The following POLK variants were observed in gnomAD, a reference collection of about 807,000 sequenced individuals.
POLK encodes the protein DNA polymerase kappa, also known as polymerase (DNA directed) kappa.
POLK carries 76 observed loss-of-function variants against 94.0 expected under a neutral mutation model. The ratio of observed to expected loss-of-function variants is 0.81; its 90% CI spans 0.67 to 0.98. The LOEUF (loss-of-function observed/expected upper bound fraction) is 0.98, where lower values mean the gene tolerates loss of function less well. Ranked by LOEUF, POLK falls within the 50% of genes least tolerant of loss-of-function variation. POLK has a pLI of 0.00. For synonymous variants in POLK, 349 were observed against 325.4 expected, an observed-to-expected ratio of 1.07 and a Z score of -0.78; for missense variants, 954 against 1,010.1, an observed-to-expected ratio of 0.94 and a Z score of 0.75.
In POLK at chr5:75,560,247, C is replaced by G. The variant is rs146057490; in HGVS notation, c.255+7656C>G. Among the ~76,000 whole-genome samples, 316 of 152,266 alleles carry G rather than the reference C, an allele frequency of 2.1e-3. 1 individual carries two copies. The East Asian group carries it at 0.027, about 13-fold the overall frequency. On this transcript the variant is annotated intron_variant, in intron 3 of 14. Coordinates refer to ENST00000241436, the Ensembl canonical transcript of POLK. ...AGTAAATGAGTTAACATAGGAAGCA[C>G]TTAGCATATTATATGACACATATAC...
chr5:75,555,586 C>T (rs1436421932), intron 3 of POLK, among the ~76,000 whole-genome samples: 4 of 149,610 alleles, frequency 2.7e-5, no homozygotes, highest in Non-Finnish European at 5.9e-5. Flanking sequence ...TCTCTCACTT[C>T]GTTGCCCAGG....
Position 75,524,144 on chromosome 5 carries a change from C to A in POLK, c.-14+12230C>A, listed in dbSNP as rs549376358. Among the ~76,000 whole-genome samples, 73 of 149,414 alleles carry A rather than the reference C, an allele frequency of 4.9e-4. No individual in the cohort carries two copies. In the South Asian group the frequency reaches 7.0e-3, roughly 14 times the overall value. On this transcript the variant is annotated intron_variant, in intron 1 of 14. Coordinates refer to ENST00000241436, the Ensembl canonical transcript of POLK. ...ACTCCGTCTCAAAAAAAAAAAACAA[C>A]AAAAAAAAACTTTCAGATTGTAAAA...
chr5:75,581,325 T>G (rs147610161), exon 7 of POLK: 36 of 1,613,932 alleles, frequency 2.2e-5, no homozygotes, highest in Non-Finnish European at 3.1e-5. Flanking sequence ...CCAAGTGAAC[T>G]TTGAAGAACA....
chr5:75,547,842 G>A (rs1419266206), intron 2 of POLK, among the ~76,000 whole-genome samples: 1 of 152,176 alleles, frequency 6.6e-6, no homozygotes, highest in Non-Finnish European at 1.5e-5. Flanking sequence ...TGCCAACACA[G>A]TGTATTACTA....
At chr5:75,555,829 G>A (rs956888565) in intron 3 of POLK, among the ~76,000 whole-genome samples, 7 of 152,234 alleles carry the variant, frequency 4.6e-5, no homozygotes, top group Admixed American at 2.0e-4. Flanking sequence ...GATTACAGGC[G>A]TGAGCCATAC....
At chr5:75,595,270 A>AAAAAAAAAAAC (rs1773015119) in intron 12 of POLK, among the ~76,000 whole-genome samples, 1 of 149,132 alleles carries the variant, frequency 6.7e-6, no homozygotes, top group African/African-American at 2.5e-5. Flanking sequence ...AAAAAAAAAA[A>AAAAAAAAAAAC]AAAGCCCAAG....
At position 75,526,448 on chromosome 5, in the gene POLK, T is replaced by G. The variant is rs951211870; in HGVS notation, c.-14+14534T>G. Among the ~76,000 whole-genome samples the G allele has an allele frequency of 4.6e-5, 7 of 152,222 alleles. No homozygotes were observed. In the East Asian group the frequency reaches 1.3e-3, roughly 29 times the overall value. On this transcript the variant is annotated intron_variant, in intron 1 of 14. Transcript: ENST00000241436. ...AAATTAAACTTTATCCAATCATTCT[T>G]TGTCCCATTTGGTACCCTTTTGTTT...
intron 1 of POLK, among the ~76,000 whole-genome samples, chr5:75,513,970 C>T (rs10072576): frequency 0.014 from 2,155 of 151,982 alleles, 23 homozygotes; most frequent in South Asian, 0.048. Context: ...ATTTAGTAAA[C>T]GTGTTTTGCT....
intron 7 of POLK, chr5:75,583,041 AT>A: frequency 3.7e-6 from 1 of 272,138 alleles, no homozygotes. Context: ...TTACTCTTAC[AT>A]TTTAAAATGT....
chr5:75,607,296 G>A, the POLK span, among the ~76,000 whole-genome samples: 4 of 151,930 alleles, frequency 2.6e-5, no homozygotes, highest in Admixed American at 1.3e-4. Context: ...GTGAAACCCC[G>A]TCTCTACTCA....
At chr5:75,569,285 TGG>T (rs1771454551) in intron 3 of POLK, 53 bp from the exon 4 acceptor site, 2 of 1,178,222 alleles carry the variant, frequency 1.7e-6, no homozygotes, top group Non-Finnish European at 2.5e-6. Context: ...TTGTGGTTAA[TGG>T]TGTTTCAATA....
chr5:75,565,504 C>T (rs1261063095), intron 3 of POLK, among the ~76,000 whole-genome samples: 2 of 152,076 alleles, frequency 1.3e-5, no homozygotes, highest in African/African-American at 4.8e-5. Context: ...CTGTTTTTTC[C>T]TCATCTTTGT....
At chr5:75,604,040 G>A (rs765571507), downstream of POLK, among the ~76,000 whole-genome samples, 6 of 152,140 alleles carry the variant, frequency 3.9e-5, no homozygotes, top group African/African-American at 4.8e-5. Context: ...CAGTAGATAC[G>A]GAGAGTCATT....
At chr5:75,554,505 T>G (rs931401642) in intron 3 of POLK, among the ~76,000 whole-genome samples, 5 of 152,056 alleles carry the variant, frequency 3.3e-5, no homozygotes, top group African/African-American at 1.2e-4. Context: ...CAAAATTTAT[T>G]TTTTTTAACT....
intron 8 of POLK, 139 bp from the exon 9 acceptor site, chr5:75,584,621 A>G (rs1291303154): frequency 7.3e-6 from 4 of 548,418 alleles, no homozygotes; most frequent in Middle Eastern, 4.8e-4. Context: ...TGGGGAGCCA[A>G]CTTGGCACCA....
chr5:75,569,761 C>T (rs1380944590), intron 4 of POLK, among the ~76,000 whole-genome samples: 7 of 152,188 alleles, frequency 4.6e-5, no homozygotes, highest in African/African-American at 9.7e-5. Context: ...AACGAAGCTT[C>T]GTCTGTATTT....
intron 1 of POLK, among the ~76,000 whole-genome samples, chr5:75,521,402 T>G (rs1433663756): frequency 6.6e-6 from 1 of 152,174 alleles, no homozygotes; most frequent in Non-Finnish European, 1.5e-5. Context: ...ATTTTTTAGT[T>G]CAGCAAACGT....
chr5:75,543,010 CTTA>C (rs372386607), intron 1 of POLK, among the ~76,000 whole-genome samples: 1 of 130,384 alleles, frequency 7.7e-6, no homozygotes, highest in Non-Finnish European at 1.6e-5. Flanking sequence ...CGCGCCCAGC[CTTA>C]TTTATTTATT....
intron 3 of POLK, among the ~76,000 whole-genome samples, chr5:75,560,832 T>C (rs1038178306): frequency 3.9e-5 from 6 of 152,226 alleles, no homozygotes; most frequent in African/African-American, 7.2e-5. Flanking sequence ...TCCATGTCCC[T>C]GCAAAGGACA....
Sources: gnomAD v4.1 joint callset for allele counts (sites outside exome capture counted in the v4.1 genomes callset) on GRCh38, gnomAD v4.1.1 for gene constraint, MANE v1.5 for transcripts, NCBI Gene and HGNC (gene_info 2026-07-23, HGNC 2026-07-21) for gene names.